The following ANTXR2 variants were observed in gnomAD, a reference collection of about 807,000 sequenced individuals.
The protein encoded by ANTXR2 is anthrax toxin receptor 2.
In ANTXR2, 44 loss-of-function variants were observed where a neutral mutation model predicts 73.7. The observed-to-expected ratio is 0.60, with a 90% confidence interval of 0.47 to 0.77. ANTXR2 has a LOEUF of 0.77. ANTXR2 is among the 30% of genes least tolerant of loss of function. ANTXR2 has a pLI of 0.00. For missense variants in ANTXR2, 604 were observed against 592.5 expected, an observed-to-expected ratio of 1.02 and a Z score of -0.20; for synonymous variants, 217 against 205.9, an observed-to-expected ratio of 1.05 and a Z score of -0.46.
At chr4:79,988,818 A>T (rs1730328099) in intron 12 of ANTXR2, among the ~76,000 whole-genome samples, 1 of 152,168 alleles carries the variant, frequency 6.6e-6, no homozygotes, top group Admixed American at 6.5e-5. Context: ...GTACAATAGA[A>T]ATAGAAATCA....
intron 16 of ANTXR2, among the ~76,000 whole-genome samples, chr4:79,916,195 C>T (rs1296783221): frequency 6.6e-6 from 1 of 151,912 alleles, no homozygotes; most frequent in Admixed American, 6.6e-5. Context: ...GAAATTCAGG[C>T]ATACAGTTGG....
chr4:79,980,011 G>A (rs1729816470), intron 14 of ANTXR2, among the ~76,000 whole-genome samples: 1 of 151,968 alleles, frequency 6.6e-6, no homozygotes, highest in African/African-American at 2.4e-5. Flanking sequence ...ATATTGCAGA[G>A]GTAATGATAA....
intron 7 of ANTXR2, among the ~76,000 whole-genome samples, chr4:80,036,555 G>T (rs1041273663): frequency 6.6e-6 from 1 of 152,016 alleles, no homozygotes. Flanking sequence ...AATCGCAGCC[G>T]TTTGGGAGGC....
At chr4:79,986,008 A>T (rs920218141) in intron 12 of ANTXR2, among the ~76,000 whole-genome samples, 1 of 151,644 alleles carries the variant, frequency 6.6e-6, no homozygotes, top group Non-Finnish European at 1.5e-5. Context: ...CGCCTGGCTA[A>T]TTTTTTTGTA....
At chr4:79,930,731 C>A (rs1217916082) in intron 16 of ANTXR2, among the ~76,000 whole-genome samples, 1 of 152,156 alleles carries the variant, frequency 6.6e-6, no homozygotes, top group East Asian at 1.9e-4. Flanking sequence ...TGCCCCAATT[C>A]TATTTCACTG....
At chr4:80,068,012 A>C (rs1029964953) in intron 3 of ANTXR2, among the ~76,000 whole-genome samples, 3 of 152,192 alleles carry the variant, frequency 2.0e-5, no homozygotes, top group South Asian at 2.1e-4. Flanking sequence ...TAAAAAGAAG[A>C]AAGAAAGGAG....
chr4:80,000,985 G>A (rs1044620908), intron 12 of ANTXR2, among the ~76,000 whole-genome samples: 6 of 151,960 alleles, frequency 3.9e-5, no homozygotes, highest in Non-Finnish European at 4.4e-5. Context: ...ACATATATGC[G>A]TGAGGCACTT....
intron 16 of ANTXR2, among the ~76,000 whole-genome samples, chr4:79,921,280 CATTT>C (rs1468529524): frequency 1.3e-5 from 2 of 151,992 alleles, no homozygotes; most frequent in African/African-American, 2.4e-5. Flanking sequence ...CATTGAAAAA[CATTT>C]ATTGAGATTT....
At chr4:80,040,132 G>A (rs1733164477) in intron 7 of ANTXR2, among the ~76,000 whole-genome samples, 1 of 151,826 alleles carries the variant, frequency 6.6e-6, no homozygotes, top group Non-Finnish European at 1.5e-5. Flanking sequence ...GAGGAAGGAA[G>A]AGAGATGAGG....
chr4:79,925,496 C>T (rs1218403495), intron 16 of ANTXR2, among the ~76,000 whole-genome samples: 1 of 151,900 alleles, frequency 6.6e-6, no homozygotes, highest in African/African-American at 2.4e-5. Context: ...TTATAGTAAC[C>T]TTCAATCGGG....
At chr4:80,063,365 C>T (rs1578196190) in intron 3 of ANTXR2, among the ~76,000 whole-genome samples, 2 of 152,246 alleles carry the variant, frequency 1.3e-5, no homozygotes, top group African/African-American at 4.8e-5. Context: ...ATGCTCTATT[C>T]CTGAATGCTT....
In ANTXR2 at chr4:80,054,336, T is replaced by C; in HGVS notation, c.572A>G (p.Asp191Gly). The change falls in exon 7 of 17, where the codon GAT becomes GGT. Residue 191 changes from aspartate (D) to glycine (G), a missense_variant. Transcript: ENST00000403729. ...GACAGGGAAAACTTGCTCCTTGGAA[T>C]CAGCAATTCTTTCAAGCTTTAGAAA... Reference protein sequence around the residue: ...FEQAQLERIADSKEQVFPVKG... With the variant: ...FEQAQLERIAGSKEQVFPVKG... 1 of 1,591,564 alleles carries C rather than the reference T, an allele frequency of 6.3e-7. No homozygotes were observed. Among genetic ancestry groups the C allele is most frequent in the Non-Finnish European group, 8.5e-7 (1 of 1,169,728 alleles).
intron 10 of ANTXR2, among the ~76,000 whole-genome samples, chr4:80,021,732 C>T (rs780158466): frequency 2.0e-5 from 3 of 151,610 alleles, no homozygotes; most frequent in Non-Finnish European, 4.4e-5. Context: ...CTGCATTCTC[C>T]GAAAATCTCA....
At chr4:79,961,115 C>T (rs77172303) in intron 16 of ANTXR2, among the ~76,000 whole-genome samples, 1,761 of 151,962 alleles carry the variant, frequency 0.012, 21 homozygotes, top group Non-Finnish European at 0.019. Flanking sequence ...ACTGTATCCC[C>T]CCTTGGACTG....
At chr4:80,065,475 G>A (rs1247970582) in intron 3 of ANTXR2, among the ~76,000 whole-genome samples, 1 of 152,128 alleles carries the variant, frequency 6.6e-6, no homozygotes, top group Non-Finnish European at 1.5e-5. Context: ...TCTTTAGGTA[G>A]GTGGGTGGGT....
intron 6 of ANTXR2, 54 bp from the exon 7 acceptor site, chr4:80,054,406 TTA>T: frequency 7.9e-7 from 1 of 1,265,930 alleles, no homozygotes; most frequent in Non-Finnish European, 1.1e-6. Context: ...ATACAACAAT[TTA>T]TAAACTTCGT....
chr4:79,973,436 C>A (rs1178816428), intron 16 of ANTXR2, among the ~76,000 whole-genome samples: 1 of 132,692 alleles, frequency 7.5e-6, no homozygotes, highest in African/African-American at 2.6e-5. Context: ...TTTTTTTTTT[C>A]CCTCTGTTGT....
intron 7 of ANTXR2, among the ~76,000 whole-genome samples, chr4:80,043,643 T>G (rs1472334791): frequency 6.6e-6 from 1 of 152,020 alleles, no homozygotes; most frequent in African/African-American, 2.4e-5. Flanking sequence ...AATTTTTCTA[T>G]TTGGCAAGGG....
intron 16 of ANTXR2, among the ~76,000 whole-genome samples, chr4:79,916,820 C>T (rs986934244): frequency 2.6e-5 from 4 of 151,982 alleles, no homozygotes; most frequent in Non-Finnish European, 5.9e-5. Context: ...AGTATACACA[C>T]TATAGCATCT....
Sources: allele counts gnomAD v4.1 joint callset (sites outside exome capture counted in the v4.1 genomes callset), GRCh38; gene constraint gnomAD v4.1.1; transcripts MANE v1.5; gene names NCBI Gene and HGNC (gene_info 2026-07-23, HGNC 2026-07-21).